Variants in MDGA2 observed in about 807,000 individuals in gnomAD.
MDGA2 encodes MAM domain-containing glycosylphosphatidylinositol anchor protein 2.
MDGA2 carries 40 observed loss-of-function variants against 117.8 expected under a neutral mutation model. The ratio of observed to expected loss-of-function variants is 0.34; its 90% CI spans 0.26 to 0.44. The LOEUF (loss-of-function observed/expected upper bound fraction) is 0.44. Among genes scored for constraint, MDGA2 ranks in the 20% least tolerant of loss-of-function variants. MDGA2 has a pLI of 1.00. For missense variants in MDGA2, 1,123 were observed against 1,250.6 expected (o/e 0.90, Z 1.54); for synonymous variants, 452 against 439.0 (o/e 1.03, Z -0.37).
At chr14:47,505,395 G>A (rs1431576825) in intron 1 of MDGA2, among the ~76,000 whole-genome samples, 1 of 152,152 alleles carries the variant, frequency 6.6e-6, no homozygotes, top group Non-Finnish European at 1.5e-5. Flanking sequence ...GTGAGGTCAT[G>A]TATGCACTAA....
In MDGA2 at chr14:46,855,056, G is replaced by A. The variant is rs867368298; in HGVS notation, c.2851C>T (p.His951Tyr). ...GNKGQRWNEA[H>Y]VNIYPITSFQ... ...GAAGTAATTGGGTATATATTAACAT[G>A]AGCCTCATTCCATCTTTGTCCTTTA... The change falls in exon 15 of 17, where the codon CAT (histidine) becomes TAT (tyrosine). Residue 951 changes from histidine to tyrosine, a missense_variant. His to Tyr is a moderately conservative substitution (Grantham distance 83, BLOSUM62 2). Transcript: ENST00000399232. This position sits in a 1 kb window ranked among gnomAD's most constrained non-coding sequence, Gnocchi z 4.1. 3.1e-6 allele frequency: 5 copies of A among 1,610,428 alleles called. No homozygotes were observed. The highest frequency in any genetic ancestry group is 1.6e-4 in the Middle Eastern group (1 of 6,066).
At chr14:47,244,463 CAT>C (rs1211946807) in intron 2 of MDGA2, among the ~76,000 whole-genome samples, 2 of 151,752 alleles carry the variant, frequency 1.3e-5, no homozygotes, top group African/African-American at 4.8e-5. Flanking sequence ...TGGTATCTAA[CAT>C]ATTTTTTTGG....
chr14:47,167,232 A>G (rs1040635838), intron 3 of MDGA2, among the ~76,000 whole-genome samples: 21 of 152,108 alleles, frequency 1.4e-4, no homozygotes, highest in Admixed American at 6.6e-5. Flanking sequence ...AAGTAACTGG[A>G]TAAAACAAAT....
chr14:47,058,825 A>T (rs544042782), intron 7 of MDGA2: 51 of 985,618 alleles, frequency 5.2e-5, no homozygotes, highest in Admixed American at 6.2e-5. Flanking sequence ...ATCACAATAA[A>T]ATCTCCTAGG....
intron 8 of MDGA2, among the ~76,000 whole-genome samples, chr14:47,025,826 T>C (rs1888452732): frequency 6.6e-6 from 1 of 152,124 alleles, no homozygotes; most frequent in Non-Finnish European, 1.5e-5. Context: ...GGAGCATTCA[T>C]TTTCCTCCAC....
intron 1 of MDGA2, among the ~76,000 whole-genome samples, chr14:47,497,233 T>C (rs1894300626): frequency 6.6e-6 from 1 of 152,178 alleles, no homozygotes; most frequent in Admixed American, 6.6e-5. Context: ...AGAATGAGAT[T>C]TAACTACTGT....
chr14:47,315,052 C>CTTGAAATTGAAAATA (rs1443083825), intron 1 of MDGA2, among the ~76,000 whole-genome samples: 7 of 152,064 alleles, frequency 4.6e-5, no homozygotes, highest in Middle Eastern at 3.2e-3. Context: ...TAATATGGTA[C>CTTGAAATTGAAAATA]TGTATTTTTC....
intron 1 of MDGA2, among the ~76,000 whole-genome samples, chr14:47,569,354 G>C (rs1351946422): frequency 6.6e-6 from 1 of 152,202 alleles, no homozygotes; most frequent in East Asian, 1.9e-4. Flanking sequence ...GATGGATCTT[G>C]AGTACTGCTG....
intron 8 of MDGA2, among the ~76,000 whole-genome samples, chr14:46,986,212 A>C (rs1886854237): frequency 1.3e-5 from 2 of 152,038 alleles, no homozygotes; most frequent in Admixed American, 1.3e-4. Flanking sequence ...AAATATATCA[A>C]TTGTTCTCAA....
chr14:47,098,529 T>C (rs1880116049), intron 5 of MDGA2, among the ~76,000 whole-genome samples: 1 of 151,562 alleles, frequency 6.6e-6, no homozygotes, highest in Admixed American at 6.6e-5. Context: ...TGCCATATTT[T>C]GGTGAAAAAA....
intron 1 of MDGA2, among the ~76,000 whole-genome samples, chr14:47,629,854 T>C (rs1321889962): frequency 2.0e-5 from 3 of 152,152 alleles, no homozygotes; most frequent in Non-Finnish European, 2.9e-5. Context: ...CAAACATTAC[T>C]GTGAACACAA....
chr14:47,581,626 A>C (rs1199528375), intron 1 of MDGA2, among the ~76,000 whole-genome samples: 1 of 151,926 alleles, frequency 6.6e-6, no homozygotes, highest in Non-Finnish European at 1.5e-5. Flanking sequence ...CCAGAACCTG[A>C]GCAGAGGTGA....
At chr14:47,146,253 C>A (rs977943772) in intron 3 of MDGA2, among the ~76,000 whole-genome samples, 1 of 152,088 alleles carries the variant, frequency 6.6e-6, no homozygotes, top group Admixed American at 6.6e-5. Flanking sequence ...GACAGCCCTA[C>A]TTTGATTTCT....
intron 1 of MDGA2, among the ~76,000 whole-genome samples, chr14:47,465,513 A>C (rs1218232452): frequency 6.6e-6 from 1 of 152,076 alleles, no homozygotes; most frequent in Admixed American, 6.6e-5. Flanking sequence ...TTAAAATGTA[A>C]GCAAAGGTCA....
intron 1 of MDGA2, among the ~76,000 whole-genome samples, chr14:47,602,539 T>G (rs985555127): frequency 1.3e-5 from 2 of 152,204 alleles, no homozygotes; most frequent in Non-Finnish European, 2.9e-5. Context: ...TCTTTTTAGG[T>G]TGAAATGTGC....
intron 1 of MDGA2, among the ~76,000 whole-genome samples, chr14:47,397,814 G>A (rs1197357191): frequency 6.6e-6 from 1 of 151,940 alleles, no homozygotes; most frequent in African/African-American, 2.4e-5. Flanking sequence ...GTAACCTTAG[G>A]GGCTAGTTGA....
chr14:46,862,402 T>C (rs1881546609), intron 14 of MDGA2, among the ~76,000 whole-genome samples: 1 of 148,706 alleles, frequency 6.7e-6, no homozygotes. Context: ...ATTATTTTAA[T>C]ATTATTTAAT....
At chr14:47,149,498 C>A (rs532366893) in intron 3 of MDGA2, among the ~76,000 whole-genome samples, 1 of 152,276 alleles carries the variant, frequency 6.6e-6, no homozygotes, top group South Asian at 2.1e-4. Context: ...TGTGTCTCAG[C>A]CATCAGCACA....
At chr14:47,248,001 A>ATT (rs1174528413) in intron 2 of MDGA2, among the ~76,000 whole-genome samples, 2 of 151,442 alleles carry the variant, frequency 1.3e-5, no homozygotes, top group Non-Finnish European at 3.0e-5. Context: ...GATGCATAGT[A>ATT]TTCCATGGTA....
Sources: gnomAD v4.1 joint callset for allele counts (sites outside exome capture counted in the v4.1 genomes callset) on GRCh38, gnomAD v4.1.1 for gene constraint, Gnocchi (gnomAD v3.1) non-coding constraint, MANE v1.5 for transcripts, NCBI Gene and HGNC (gene_info 2026-07-23, HGNC 2026-07-21) for gene names.